The following MAP4K4 variants were observed in gnomAD, a reference collection of about 807,000 sequenced individuals.
The protein encoded by MAP4K4 is HPK/GCK-like kinase HGK.
MAP4K4 carries 38 observed loss-of-function variants against 189.6 expected under a neutral mutation model. That is an observed-to-expected ratio of 0.20 (90% CI 0.15 to 0.26). MAP4K4 has a LOEUF of 0.26. MAP4K4 is among the 10% of genes least tolerant of loss of function. The pLI, the probability that MAP4K4 is intolerant of heterozygous loss-of-function variation, is 1.00. For synonymous variants in MAP4K4, 610 were observed against 624.3 expected (o/e 0.98, Z 0.34); for missense variants, 1,054 against 1,726.9 (o/e 0.61, Z 6.91).
At chr2:101,829,428 C>G in intron 5 of MAP4K4, 76 bp from the exon 6 acceptor site, 1 of 961,828 alleles carries the variant, frequency 1.0e-6, no homozygotes, top group Non-Finnish European at 1.6e-6. Flanking sequence ...TGTGCACTTT[C>G]TTATAAAAGG....
intron 2 of MAP4K4, among the ~76,000 whole-genome samples, chr2:101,773,174 T>C (rs1350603355): frequency 6.6e-6 from 1 of 152,222 alleles, no homozygotes; most frequent in Non-Finnish European, 1.5e-5. Context: ...TTATACCTGT[T>C]CTGGTTTTGA....
chr2:101,859,788 A>G, exon 15 of MAP4K4: 1 of 1,611,276 alleles, frequency 6.2e-7, no homozygotes, highest in Non-Finnish European at 8.5e-7. Flanking sequence ...CCACCACCGC[A>G]GCAGGAAAGG....
chr2:101,851,611 C>T (rs187739327), intron 12 of MAP4K4, among the ~76,000 whole-genome samples: 45 of 151,952 alleles, frequency 3.0e-4, no homozygotes, highest in East Asian at 2.3e-3. Context: ...AAATTGAGGG[C>T]CTATTCTGAA....
At chr2:101,828,076 A>G (rs1365629541) in intron 5 of MAP4K4, among the ~76,000 whole-genome samples, 1 of 152,214 alleles carries the variant, frequency 6.6e-6, no homozygotes, top group Non-Finnish European at 1.5e-5. Flanking sequence ...GAGCTGCTAG[A>G]CACACCTTAA....
At chr2:101,698,201 G>A in intron 1 of MAP4K4, 64 bp downstream of exon 1, 1 of 801,070 alleles carries the variant, frequency 1.2e-6, no homozygotes, top group Non-Finnish European at 1.5e-6. Context: ...CCGGGGCCGC[G>A]CCCAGGTCGG....
chr2:101,729,474 T>C (rs1042013663), intron 2 of MAP4K4, among the ~76,000 whole-genome samples: 12 of 152,236 alleles, frequency 7.9e-5, no homozygotes, highest in African/African-American at 2.9e-4. Context: ...TTTAACTGTA[T>C]TTTTTATTAT....
intron 29 of MAP4K4, among the ~76,000 whole-genome samples, chr2:101,885,667 T>C (rs943713555): frequency 3.9e-5 from 6 of 152,218 alleles, no homozygotes; most frequent in Non-Finnish European, 7.3e-5. Context: ...TTTTAAGATA[T>C]ATCTGTTCAT....
intron 2 of MAP4K4, among the ~76,000 whole-genome samples, chr2:101,740,114 C>G (rs1002384833): frequency 6.6e-6 from 1 of 150,708 alleles, no homozygotes; most frequent in African/African-American, 2.4e-5. Flanking sequence ...AACACAACAT[C>G]TGTCGCTTTC....
chr2:101,884,945 G>A (rs1665892157), intron 28 of MAP4K4, among the ~76,000 whole-genome samples: 1 of 152,130 alleles, frequency 6.6e-6, no homozygotes, highest in South Asian at 2.1e-4. Context: ...AAATATCTTG[G>A]AATCTATTAT....
rs145892058 is a variant in MAP4K4, at chr2:101,717,139, G to A, written c.123+18601G>A. On this transcript the variant is annotated intron_variant, in intron 2 of 32. Transcript: ENST00000324219. ...AGTCATGAATTTAGCCTGGGCTTTT[G>A]GTGCTCAAATACCTTAATTCATGGA... Among the ~76,000 whole-genome samples, 807 of 152,166 alleles carry A rather than the reference G, an allele frequency of 5.3e-3. 4 individuals are homozygous for A. The highest frequency in any genetic ancestry group is 0.01 in the Middle Eastern group (3 of 292).
At chr2:101,818,442 A>G (rs1291290940) in intron 3 of MAP4K4, among the ~76,000 whole-genome samples, 1 of 152,050 alleles carries the variant, frequency 6.6e-6, no homozygotes, top group Non-Finnish European at 1.5e-5. Flanking sequence ...GAAAGGCTTC[A>G]TTTCACCTGG....
At chr2:101,867,304 C>G in exon 20 of MAP4K4, 1 of 1,603,332 alleles carries the variant, frequency 6.2e-7, no homozygotes, top group Non-Finnish European at 8.5e-7. Flanking sequence ...ACCCCTCAAG[C>G]CTGCTGTAAG....
chr2:101,711,071 T>C (rs1036528504), intron 2 of MAP4K4, among the ~76,000 whole-genome samples: 10 of 152,182 alleles, frequency 6.6e-5, no homozygotes, highest in African/African-American at 1.7e-4. Context: ...GATTGTCTTA[T>C]GAGCAATATC....
chr2:101,827,703 G>A (rs147102115), intron 5 of MAP4K4, among the ~76,000 whole-genome samples: 3,050 of 152,294 alleles, frequency 0.02, 52 homozygotes, highest in Non-Finnish European at 0.031. Flanking sequence ...CTTAGCAGCA[G>A]GCCAGCGTGT....
intron 21 of MAP4K4, 108 bp downstream of exon 21, chr2:101,868,145 G>C: frequency 8.1e-7 from 1 of 1,236,316 alleles, no homozygotes; most frequent in Non-Finnish European, 1.2e-6. Flanking sequence ...TTGACTTCTT[G>C]TTCTTTTCTA....
intron 23 of MAP4K4, 124 bp from the exon 24 acceptor site, chr2:101,871,370 T>C (rs1210243914): frequency 1.4e-6 from 1 of 716,474 alleles, no homozygotes; most frequent in East Asian, 2.8e-5. Context: ...CTAATTTCTT[T>C]GGTTTTTCCT....
At chr2:101,885,598 A>G (rs2098469056) in intron 29 of MAP4K4, among the ~76,000 whole-genome samples, 3 of 152,222 alleles carry the variant, frequency 2.0e-5, no homozygotes, top group Non-Finnish European at 1.5e-5. Context: ...CACCTGAGTC[A>G]TGGAAGCGTG....
intron 3 of MAP4K4, among the ~76,000 whole-genome samples, chr2:101,809,602 G>C (rs2095281639): frequency 6.6e-6 from 1 of 152,168 alleles, no homozygotes; most frequent in Non-Finnish European, 1.5e-5. Context: ...TAAAACTTAA[G>C]TACTATTTGA....
chr2:101,790,617 A>G, intron 2 of MAP4K4, 103 bp from the exon 3 acceptor site: 1 of 783,760 alleles, frequency 1.3e-6, no homozygotes, highest in South Asian at 1.5e-5. Context: ...GTCAGAGATA[A>G]GTATAGTTGA....
Sources: gnomAD v4.1 joint callset for allele counts (sites outside exome capture counted in the v4.1 genomes callset) on GRCh38, gnomAD v4.1.1 for gene constraint, MANE v1.5 for transcripts, NCBI Gene and HGNC (gene_info 2026-07-23, HGNC 2026-07-21) for gene names.